ASCC2: variants seen among roughly 807,000 people sequenced by gnomAD.
The protein encoded by ASCC2 is ASC-1 complex subunit P100.
A neutral mutation model predicts 93.5 loss-of-function variants in ASCC2; 42 were observed. The ratio of observed to expected loss-of-function variants is 0.45; its 90% CI spans 0.35 to 0.58. ASCC2 has a LOEUF of 0.58. ASCC2 is among the 20% of genes least tolerant of loss of function. The probability of loss-of-function intolerance (pLI) is 0.00; values close to 1 mark genes in which losing one functional copy is unlikely to be tolerated. For missense variants in ASCC2, 859 were observed against 977.6 expected (o/e 0.88, Z 1.62); for synonymous variants, 364 against 384.2 (o/e 0.95, Z 0.62).
At chr22:29,808,231 C>T (rs772981991) in intron 8 of ASCC2, 46 bp from the exon 9 acceptor site, 2 of 1,581,766 alleles carry the variant, frequency 1.3e-6, no homozygotes, top group East Asian at 2.2e-5. Context: ...TTCATAAATA[C>T]CACACTTCAT....
At chr22:29,800,892 C>A in intron 15 of ASCC2, 99 bp downstream of exon 15, 1 of 1,440,424 alleles carries the variant, frequency 6.9e-7, no homozygotes, top group Admixed American at 2.1e-5. Flanking sequence ...TGCTGATACT[C>A]CATGGCCAAT....
intron 4 of ASCC2, among the ~76,000 whole-genome samples, chr22:29,824,843 C>T (rs369784716): frequency 2.0e-5 from 3 of 152,146 alleles, no homozygotes; most frequent in Non-Finnish European, 2.9e-5. Context: ...AAGGCAGTCA[C>T]GCGTCAGCTG....
intron 14 of ASCC2, 50 bp from the exon 15 acceptor site, chr22:29,801,160 C>A (rs201332546): frequency 6.4e-7 from 1 of 1,552,032 alleles, no homozygotes; most frequent in South Asian, 1.2e-5. Flanking sequence ...CCAGCTGATG[C>A]AATCTGCACC....
At chr22:29,806,462 C>T in intron 11 of ASCC2, 23 bp downstream of exon 11, 2 of 1,612,646 alleles carry the variant, frequency 1.2e-6, no homozygotes, top group East Asian at 2.2e-5. Flanking sequence ...GTCATGGGCC[C>T]AGGCCAGCTC....
chr22:29,790,150 C>T (rs140151), intron 19 of ASCC2, among the ~76,000 whole-genome samples: 118,556 of 152,092 alleles, frequency 0.78, 46,745 homozygotes, highest in East Asian at 0.91. Flanking sequence ...CCTGGACACG[C>T]TGGGTGATAA....
intron 2 of ASCC2, among the ~76,000 whole-genome samples, chr22:29,827,756 C>CAACACACACACACACACA (rs1568952571): frequency 5.7e-5 from 4 of 69,618 alleles, no homozygotes; most frequent in African/African-American, 2.2e-4. Flanking sequence ...CTCATTCTCC[C>CAACACACACACACACACA]GACACACACA....
chr22:29,789,204 C>G lies in ASCC2; in HGVS notation c.2103-20G>C. The G allele has an allele frequency of 6.2e-7, 1 of 1,613,868 alleles. No individual in the cohort carries two copies. The highest frequency in any genetic ancestry group is 8.5e-7 in the Non-Finnish European group (1 of 1,179,900). On this transcript the variant is annotated intron_variant, in intron 19 of 19. Transcript: ENST00000307790. Reference sequence around the variant, plus strand: ...CGGTACCTGAGGGAGGAACAACCCACCCCACGAGAACCTGTCAGCCGGAAG... The same window carrying G: ...CGGTACCTGAGGGAGGAACAACCCAGCCCACGAGAACCTGTCAGCCGGAAG...
intron 5 of ASCC2, among the ~76,000 whole-genome samples, chr22:29,821,329 A>ATC (rs2061530166): frequency 6.6e-6 from 1 of 152,206 alleles, no homozygotes; most frequent in Non-Finnish European, 1.5e-5. Context: ...CTCAGCAACA[A>ATC]TGCAAATCAT....
chr22:29,832,180 C>T, intron 2 of ASCC2, 65 bp downstream of exon 2: 1 of 1,438,428 alleles, frequency 7.0e-7, no homozygotes, highest in Non-Finnish European at 9.7e-7. Context: ...ACGGAATTTA[C>T]TTTTTGCTCC....
chr22:29,791,052 G>A (rs1232531609), intron 18 of ASCC2, among the ~76,000 whole-genome samples: 5 of 152,106 alleles, frequency 3.3e-5, no homozygotes, highest in African/African-American at 9.7e-5. Context: ...AGGGACCACA[G>A]ACAGGCTTTG....
At position 29,825,488 on chromosome 22, in the gene ASCC2, C is replaced by T. The variant is rs1360720914; in HGVS notation, c.240+134G>A. ...TGATACAAGACAGAGCAATCCGAAC[C>T]ACAATTTGCTGTTAAGGATCCAGTG... On this transcript the variant is annotated intron_variant, in intron 3 of 19. Coordinates refer to ENST00000307790, the MANE Select transcript of ASCC2 (RefSeq NM_032204.5). This position sits in a 1 kb window ranked among gnomAD's most constrained non-coding sequence, Gnocchi z 4.9. 5 of 1,324,020 alleles carry T rather than the reference C, an allele frequency of 3.8e-6. No individual in the cohort carries two copies. In the African/African-American group the frequency reaches 5.8e-5, roughly 15 times the overall value. 82.0% of individuals were successfully genotyped at this position (1,324,020 alleles called of 1,614,324 possible).
At chr22:29,819,336 A>G (rs2061284986) in intron 5 of ASCC2, among the ~76,000 whole-genome samples, 1 of 151,954 alleles carries the variant, frequency 6.6e-6, no homozygotes. Context: ...AATTTTTTGT[A>G]TTTTTAGTAG....
In ASCC2 at chr22:29,808,100, C is replaced by A. The variant is rs761541699; in HGVS notation, c.908+11G>T. On this transcript the variant is annotated intron_variant, in intron 9 of 19. Coordinates refer to ENST00000307790, the MANE Select transcript of ASCC2 (RefSeq NM_032204.5). ...CCCACAACAACATTCTTAATTTTGT[C>A]CCCGCCTCACTTGCTATCTTCAAGC... 1 of 1,614,102 alleles carries A rather than the reference C, an allele frequency of 6.2e-7. No individual in the cohort carries two copies. Among genetic ancestry groups the A allele is most frequent in the South Asian group, 1.1e-5 (1 of 91,086 alleles).
chr22:29,831,455 C>T (rs1024836678), intron 2 of ASCC2, among the ~76,000 whole-genome samples: 1 of 152,150 alleles, frequency 6.6e-6, no homozygotes, highest in African/African-American at 2.4e-5. Context: ...TGATCTGGCA[C>T]AGGGCAAGTA....
At chr22:29,831,318 C>A (rs1228888314) in intron 2 of ASCC2, among the ~76,000 whole-genome samples, 1 of 152,224 alleles carries the variant, frequency 6.6e-6, no homozygotes, top group Non-Finnish European at 1.5e-5. Flanking sequence ...TCCTGACTCC[C>A]CTGATTTCCT....
chr22:29,793,678 T>A lies in ASCC2; in HGVS notation c.1689-2A>T, dbSNP rs1299252376. Reference sequence around the variant, plus strand: ...CGCGTGTTTTCCTCCTTCCTGGTGCTGAGAAGGAACAGCAGAAAGAGAGGA... The same window carrying A: ...CGCGTGTTTTCCTCCTTCCTGGTGCAGAGAAGGAACAGCAGAAAGAGAGGA... On this transcript the variant is annotated splice_acceptor_variant, in intron 15 of 19. Transcript: ENST00000307790. LOFTEE classifies it high-confidence loss of function. The A allele has an allele frequency of 1.3e-6, 2 of 1,557,026 alleles. No individual in the cohort carries two copies. Among genetic ancestry groups the A allele is most frequent in the South Asian group, 1.2e-5 (1 of 85,282 alleles).
intron 2 of ASCC2, among the ~76,000 whole-genome samples, chr22:29,826,449 G>A (rs1275847014): frequency 6.6e-6 from 1 of 151,870 alleles, no homozygotes; most frequent in Non-Finnish European, 1.5e-5. Flanking sequence ...CCAAGTAGCT[G>A]GGACTACAGG....
intron 5 of ASCC2, among the ~76,000 whole-genome samples, chr22:29,819,233 T>C (rs929355175): frequency 2.0e-5 from 3 of 152,148 alleles, no homozygotes; most frequent in Non-Finnish European, 4.4e-5. Context: ...CAATCTCGGC[T>C]CGCTGCAACC....
chr22:29,814,603 G>A, intron 7 of ASCC2, 54 bp downstream of exon 7: 1 of 1,451,000 alleles, frequency 6.9e-7, no homozygotes, highest in Non-Finnish European at 9.4e-7. Flanking sequence ...GGGTAGCTAG[G>A]CCCTGGTTGG....
Sources: allele counts gnomAD v4.1 joint callset (sites outside exome capture counted in the v4.1 genomes callset), GRCh38; gene constraint gnomAD v4.1.1; non-coding constraint Gnocchi (gnomAD v3.1); transcripts MANE v1.5; gene names NCBI Gene and HGNC (gene_info 2026-07-23, HGNC 2026-07-21).